Variants in RPS6KA2 observed in about 807,000 individuals in gnomAD.
The protein encoded by RPS6KA2 is ribosomal protein S6 kinase alpha-2.
Under a neutral mutation model 91.8 loss-of-function variants are expected in RPS6KA2, and 42 were observed. That is an observed-to-expected ratio of 0.46 (90% CI 0.36 to 0.59). The LOEUF is 0.59. Among genes scored for constraint, RPS6KA2 ranks in the 20% least tolerant of loss-of-function variants. The probability of loss-of-function intolerance (pLI) is 0.00; values close to 1 mark genes in which losing one functional copy is unlikely to be tolerated. For missense variants in RPS6KA2, 798 were observed against 978.5 expected, an observed-to-expected ratio of 0.82 and a Z score of 2.46; for synonymous variants, 414 against 393.6, an observed-to-expected ratio of 1.05 and a Z score of -0.61.
At chr6:166,679,941 G>A (rs1003370411) in intron 2 of RPS6KA2, among the ~76,000 whole-genome samples, 16 of 152,360 alleles carry the variant, frequency 1.1e-4, no homozygotes, top group African/African-American at 2.4e-4. Context: ...AAAGTCCCTC[G>A]GCAGTGCCAG....
intron 10 of RPS6KA2, among the ~76,000 whole-genome samples, chr6:166,478,712 C>G (rs1306015270): frequency 6.6e-6 from 1 of 152,206 alleles, no homozygotes. Flanking sequence ...GTCAGATGAG[C>G]AGGAAGCAAT....
intron 10 of RPS6KA2, among the ~76,000 whole-genome samples, chr6:166,488,388 C>T (rs531196922): frequency 8.5e-5 from 13 of 152,336 alleles, no homozygotes; most frequent in South Asian, 4.1e-4. Context: ...CGGAGTAATC[C>T]TCAATACGCT....
At chr6:166,694,673 T>C (rs1789306878) in intron 2 of RPS6KA2, among the ~76,000 whole-genome samples, 1 of 152,204 alleles carries the variant, frequency 6.6e-6, no homozygotes, top group Non-Finnish European at 1.5e-5. Context: ...TCCCGTAGCT[T>C]TAAATATCAC....
intron 2 of RPS6KA2, among the ~76,000 whole-genome samples, chr6:166,751,586 T>G (rs1791286704): frequency 6.6e-6 from 1 of 152,246 alleles, no homozygotes; most frequent in Non-Finnish European, 1.5e-5. Context: ...CTGGAACGGC[T>G]GGGCCGCCAC....
rs1376551012 is a variant in RPS6KA2 at position 166,648,863 on chromosome 6, A to C, written c.124-110079T>G. On this transcript the variant is annotated intron_variant, in intron 2 of 21. Coordinates refer to the RPS6KA2 transcript ENST00000503859. This position sits in a 1 kb window ranked among gnomAD's most constrained non-coding sequence, Gnocchi z 4.8. ...CATTCTGTCTCTCCTCACCCCCCTTATGCATTTCACCCATCACCAAGGCCC... is the reference window on the plus strand; with the variant it reads ...CATTCTGTCTCTCCTCACCCCCCTTCTGCATTTCACCCATCACCAAGGCCC... Among the ~76,000 whole-genome samples, 1 of 151,882 alleles carries C rather than the reference A, an allele frequency of 6.6e-6. No homozygotes were observed. Among genetic ancestry groups the C allele is most frequent in the Admixed American group, 6.6e-5 (1 of 15,256 alleles).
intron 11 of RPS6KA2, among the ~76,000 whole-genome samples, chr6:166,469,423 A>G (rs1304729061): frequency 1.3e-5 from 2 of 150,710 alleles, no homozygotes; most frequent in African/African-American, 4.9e-5. Context: ...CCATAGCCCT[A>G]GCACTAAAGG....
chr6:166,697,920 G>A (rs56181943), intron 2 of RPS6KA2, among the ~76,000 whole-genome samples: 10,139 of 152,224 alleles, frequency 0.067, 410 homozygotes, highest in African/African-American at 0.095. Context: ...GGGAGGACTC[G>A]GCGGCTGTAT....
chr6:166,732,769 C>G lies in RPS6KA2; in HGVS notation c.123+125431G>C, dbSNP rs75668793. Among the ~76,000 whole-genome samples the G allele has an allele frequency of 4.3e-3, 648 of 152,270 alleles. 2 individuals carry two copies. The highest frequency in any genetic ancestry group is 0.015 in the African/African-American group (633 of 41,544). ...GGGGCCCGGTCAGAGCCTCTTCCTA[C>G]CAGAGGTGATGACAGGGGGATGACA... is the stretch of plus-strand genomic sequence containing the variant. On this transcript the variant is annotated intron_variant, in intron 2 of 21. Transcript: ENST00000503859. This position sits in a 1 kb window ranked among gnomAD's most constrained non-coding sequence, Gnocchi z 4.0.
intron 2 of RPS6KA2, among the ~76,000 whole-genome samples, chr6:166,731,277 G>A (rs567171774): frequency 2.1e-4 from 32 of 149,572 alleles, no homozygotes; most frequent in Middle Eastern, 6.8e-3. Flanking sequence ...CATCCAAAGT[G>A]TGTTTTCCAA....
At chr6:166,460,574 G>A (rs1780243423) in intron 11 of RPS6KA2, 1 of 152,414 alleles carries the variant, frequency 6.6e-6, no homozygotes, top group African/African-American at 2.4e-5. Context: ...GAGGATGCTG[G>A]GTTTAGTCAA....
chr6:166,515,945 T>C (rs141428382), intron 3 of RPS6KA2, among the ~76,000 whole-genome samples: 166 of 152,340 alleles, frequency 1.1e-3, no homozygotes, highest in South Asian at 2.1e-3. Context: ...CCTTCCCCGC[T>C]GAAGACTGGA....
chr6:166,829,662 A>G (rs892023700), intron 2 of RPS6KA2, among the ~76,000 whole-genome samples: 1 of 151,890 alleles, frequency 6.6e-6, no homozygotes, highest in Non-Finnish European at 1.5e-5. Flanking sequence ...TGAAAAGCAG[A>G]GACTTAAACA....
chr6:166,784,797 G>T (rs929040747), intron 2 of RPS6KA2, among the ~76,000 whole-genome samples: 17 of 151,318 alleles, frequency 1.1e-4, no homozygotes, highest in African/African-American at 3.9e-4. Context: ...AAGTCCCGCA[G>T]TGGTCTCCAT....
chr6:166,619,568 C>T (rs991309276), intron 1 of RPS6KA2, among the ~76,000 whole-genome samples: 6 of 152,226 alleles, frequency 3.9e-5, no homozygotes, highest in African/African-American at 1.4e-4. Context: ...AGCTGACGGC[C>T]ATGTGGCCTG....
At position 166,533,720 on chromosome 6, in the gene RPS6KA2, A is replaced by G. The variant is rs1249216739; in HGVS notation, c.217-2407T>C. Among the ~76,000 whole-genome samples the G allele has an allele frequency of 6.6e-6, 1 of 152,200 alleles. No homozygotes were observed. The highest frequency in any genetic ancestry group is 1.5e-5 in the Non-Finnish European group (1 of 67,998). On this transcript the variant is annotated intron_variant, in intron 2 of 20. Coordinates refer to ENST00000265678, the MANE Select transcript of RPS6KA2 (RefSeq NM_021135.6). This position sits in a 1 kb window ranked among gnomAD's most constrained non-coding sequence, Gnocchi z 4.0. The stretch of plus-strand genomic sequence containing the variant: ...CCATGGTGGACTTTGGTAGGGTGAC[A>G]GATGAATCTATCCATTCCATTGCGG...
rs1228479077 is a variant in RPS6KA2, at chr6:166,767,689, C to G, written c.123+90511G>C. Among the ~76,000 whole-genome samples, 1 of 152,042 alleles carries G rather than the reference C, an allele frequency of 6.6e-6. No homozygotes were observed. Among genetic ancestry groups the G allele is most frequent in the Non-Finnish European group, 1.5e-5 (1 of 68,014 alleles). The stretch of plus-strand genomic sequence containing the variant: ...GCAAAGGACTGAGTTTGGGTCACCT[C>G]ATTATTTTATTTGCATATCAGGTTA... On this transcript the variant is annotated intron_variant, in intron 2 of 21. Coordinates refer to the RPS6KA2 transcript ENST00000503859. The surrounding 1 kb of genome is among the most constrained non-coding windows in gnomAD (Gnocchi z 4.6).
Position 166,493,376 on chromosome 6 carries a change from C to T in RPS6KA2, c.748-2635G>A, listed in dbSNP as rs527249189. Among the ~76,000 whole-genome samples the T allele has an allele frequency of 6.6e-6, 1 of 152,232 alleles. No individual in the cohort carries two copies. Among genetic ancestry groups the T allele is most frequent in the Non-Finnish European group, 1.5e-5 (1 of 68,026 alleles). On this transcript the variant is annotated intron_variant, in intron 8 of 20. Coordinates refer to ENST00000265678, the MANE Select transcript of RPS6KA2 (RefSeq NM_021135.6). This position sits in a 1 kb window ranked among gnomAD's most constrained non-coding sequence, Gnocchi z 4.7. ...TTGTCTGAATGGAGCTGCCCGGGAA[C>T]TTTCCAGTGCCGAAGCATTACTGAC...
chr6:166,717,185 C>G (rs1367787076), intron 2 of RPS6KA2, among the ~76,000 whole-genome samples: 1 of 152,210 alleles, frequency 6.6e-6, no homozygotes, highest in Non-Finnish European at 1.5e-5. Flanking sequence ...CTGAGTTCGT[C>G]TGAGGCTCAG....
At chr6:166,617,665 AT>A (rs976533997) in intron 1 of RPS6KA2, among the ~76,000 whole-genome samples, 16 of 152,214 alleles carry the variant, frequency 1.1e-4, no homozygotes, top group African/African-American at 3.9e-4. Context: ...CCTACTGATA[AT>A]TTAGGCACGT....
Sources: allele counts gnomAD v4.1 joint callset (sites outside exome capture counted in the v4.1 genomes callset), GRCh38; gene constraint gnomAD v4.1.1; non-coding constraint Gnocchi (gnomAD v3.1); transcripts MANE v1.5; gene names NCBI Gene and HGNC (gene_info 2026-07-23, HGNC 2026-07-21).